Variants in EPDR1 observed in about 807,000 individuals in gnomAD.
EPDR1 encodes the protein mammalian ependymin-related protein 1.
A neutral mutation model predicts 23.7 loss-of-function variants in EPDR1; 27 were observed. That is an observed-to-expected ratio of 1.14 (90% CI 0.84 to 1.57). The LOEUF (loss-of-function observed/expected upper bound fraction) is 1.57, where lower values mean the gene tolerates loss of function less well. Among genes scored for constraint, EPDR1 ranks in the 40% most tolerant of loss-of-function variants. The pLI, the probability that EPDR1 is intolerant of heterozygous loss-of-function variation, is 0.00. For missense variants in EPDR1, 349 were observed against 290.4 expected (o/e 1.20, Z -1.47); for synonymous variants, 137 against 118.2 (o/e 1.16, Z -1.03).
rs770857505 is a variant in EPDR1 at position 37,937,263 on chromosome 7, TAACA to T, written c.270-11570_270-11567del. Among the ~76,000 whole-genome samples the T allele has an allele frequency of 1.1e-4, 16 of 152,216 alleles. 2 individuals carry two copies. Among genetic ancestry groups the T allele is most frequent in the East Asian group, 7.7e-4 (4 of 5,186 alleles). ...TAAACTGCAAACCAAACTAAAGATC[TAACA>T]AACAAAATAAAACCACACAGTTATG... is the stretch of plus-strand genomic sequence containing the variant. On this transcript the variant is annotated intron_variant, in intron 1 of 2. Coordinates refer to ENST00000199448, the MANE Select transcript of EPDR1 (RefSeq NM_017549.5).
At chr7:37,948,789 C>G (rs374175836) in intron 1 of EPDR1, 51 bp from the exon 2 acceptor site, 1 of 1,470,686 alleles carries the variant, frequency 6.8e-7, no homozygotes, top group Non-Finnish European at 9.5e-7. Flanking sequence ...TTAAAAGGCA[C>G]GAGGATGGTA....
intron 1 of EPDR1, among the ~76,000 whole-genome samples, chr7:37,932,160 G>GT (rs36088957): frequency 1.3e-5 from 2 of 151,768 alleles, no homozygotes; most frequent in Admixed American, 6.6e-5. Context: ...CACTTAATAT[G>GT]TTTTTTTCCC....
In EPDR1 at chr7:37,937,713, T is replaced by A. The variant is rs80036818; in HGVS notation, c.270-11127T>A. ...ATCTGTGCTGGAGATACTCAGATTG[T>A]TCACCTAAAAAGTTTCTCAAGTTCC... On this transcript the variant is annotated intron_variant, in intron 1 of 2. Transcript: ENST00000199448. 9.2e-3 allele frequency among the ~76,000 whole-genome samples: 1,396 copies of A among 152,292 alleles called. 106 individuals are homozygous for A. In the East Asian group the frequency reaches 0.19, roughly 21 times the overall value.
chr7:37,946,856 A>G (rs1245750965), intron 1 of EPDR1, among the ~76,000 whole-genome samples: 1 of 101,624 alleles, frequency 9.8e-6, no homozygotes, highest in African/African-American at 2.7e-5. Flanking sequence ...GGACATAAAG[A>G]AAATATTTTT....
intron 1 of EPDR1, among the ~76,000 whole-genome samples, chr7:37,944,487 C>T (rs183246298): frequency 1.3e-5 from 2 of 152,212 alleles, no homozygotes; most frequent in East Asian, 1.9e-4. Flanking sequence ...TCTCATGCTG[C>T]TAATAAAGAC....
Position 37,950,623 on chromosome 7 carries a change from T to C in EPDR1, c.*227T>C. On this transcript the variant is annotated 3_prime_UTR_variant, in exon 3 of 3. Coordinates refer to ENST00000199448, the MANE Select transcript of EPDR1 (RefSeq NM_017549.5). Reference sequence around the variant, plus strand: ...TGGCCATATGAACTGACTAGATGGCTAATATGGACACTTTGGGTATTTCTA... The same window carrying C: ...TGGCCATATGAACTGACTAGATGGCCAATATGGACACTTTGGGTATTTCTA... The C allele has an allele frequency of 2.0e-6, 1 of 512,514 alleles. No homozygotes were observed. The highest frequency in any genetic ancestry group is 3.4e-5 in the South Asian group (1 of 29,834). 31.7% of individuals were successfully genotyped at this position (512,514 alleles called of 1,614,324 possible). A position where few individuals can be genotyped will look rare whatever the true frequency, so the allele number is the denominator to read the frequency against.
At chr7:37,935,998 A>ATG (rs1786038069) in intron 1 of EPDR1, among the ~76,000 whole-genome samples, 1 of 36,188 alleles carries the variant, frequency 2.8e-5, no homozygotes, top group Non-Finnish European at 5.0e-5. Context: ...CATGGCATAT[A>ATG]TATATATATA....
chr7:37,928,075 G>C (rs908626013), intron 1 of EPDR1, among the ~76,000 whole-genome samples: 1 of 152,142 alleles, frequency 6.6e-6, no homozygotes, highest in African/African-American at 2.4e-5. Context: ...GCAGGCACTG[G>C]GGAAAAAAGA....
intron 1 of EPDR1, among the ~76,000 whole-genome samples, chr7:37,929,971 T>C (rs780596833): frequency 7.9e-5 from 12 of 152,290 alleles, no homozygotes; most frequent in Non-Finnish European, 1.5e-4. Context: ...CGGGAGGCCA[T>C]CTGAAGAGGA....
chr7:37,942,187 T>C (rs1273761011), intron 1 of EPDR1, among the ~76,000 whole-genome samples: 1 of 152,200 alleles, frequency 6.6e-6, no homozygotes, highest in Non-Finnish European at 1.5e-5. Context: ...GCAGCATTTT[T>C]CACAATAGCC....
intron 1 of EPDR1, among the ~76,000 whole-genome samples, chr7:37,943,667 C>T (rs1786215173): frequency 6.6e-6 from 1 of 152,172 alleles, no homozygotes; most frequent in South Asian, 2.1e-4. Context: ...GTACAGTCAA[C>T]ATAACCTCAA....
At position 37,929,159 on chromosome 7, in the gene EPDR1, T is replaced by A. The variant is rs191807285; in HGVS notation, c.269+7951T>A. Among the ~76,000 whole-genome samples the A allele has an allele frequency of 7.9e-5, 12 of 152,364 alleles. No individual in the cohort carries two copies. The East Asian group carries it at 2.3e-3, about 29-fold the overall frequency. ...TGCATGACTTACTCCCAAATTGAAC[T>A]GTTTCTCTGCTCAACATTCTCAGTG... On this transcript the variant is annotated intron_variant, in intron 1 of 2. Transcript: ENST00000199448.
intron 1 of EPDR1, among the ~76,000 whole-genome samples, chr7:37,942,801 A>G (rs1446572548): frequency 6.6e-6 from 1 of 152,186 alleles, no homozygotes; most frequent in Non-Finnish European, 1.5e-5. Context: ...ACTATTTTCA[A>G]AAGCAAGAAA....
At chr7:37,938,436 T>A (rs552908893) in intron 1 of EPDR1, among the ~76,000 whole-genome samples, 9 of 152,206 alleles carry the variant, frequency 5.9e-5, no homozygotes, top group Non-Finnish European at 8.8e-5. Flanking sequence ...AACATTGATA[T>A]GGTGGAGAAG....
intron 1 of EPDR1, among the ~76,000 whole-genome samples, chr7:37,945,966 AC>A (rs1463728395): frequency 6.6e-6 from 1 of 152,218 alleles, no homozygotes; most frequent in African/African-American, 2.4e-5. Flanking sequence ...ATAAGTGAGA[AC>A]ATGCAGTATT....
chr7:37,922,818 A>C (rs1327077454), intron 1 of EPDR1, among the ~76,000 whole-genome samples: 1 of 152,204 alleles, frequency 6.6e-6, no homozygotes. Flanking sequence ...AAATAAAAAA[A>C]ATTTCCATAC....
At chr7:37,921,231 G>A in intron 1 of EPDR1, 23 bp downstream of exon 1, 2 of 1,570,562 alleles carry the variant, frequency 1.3e-6, no homozygotes, top group Non-Finnish European at 1.7e-6. Flanking sequence ...GGCCCGCGGG[G>A]CGGGAGTAGG....
chr7:37,933,459 C>T (rs139482278), intron 1 of EPDR1, among the ~76,000 whole-genome samples: 7 of 152,190 alleles, frequency 4.6e-5, no homozygotes, highest in African/African-American at 9.6e-5. Context: ...TGGTTGATCC[C>T]GTACTTAACT....
intron 1 of EPDR1, among the ~76,000 whole-genome samples, chr7:37,941,286 C>T (rs1484875897): frequency 6.6e-6 from 1 of 152,172 alleles, no homozygotes; most frequent in Non-Finnish European, 1.5e-5. Flanking sequence ...CATTAGGTGA[C>T]AGTTATTGGG....
Sources: allele counts gnomAD v4.1 joint callset (sites outside exome capture counted in the v4.1 genomes callset), GRCh38; gene constraint gnomAD v4.1.1; transcripts MANE v1.5; gene names NCBI Gene and HGNC (gene_info 2026-07-23, HGNC 2026-07-21).